Variants in DOCK9 observed in about 807,000 individuals in gnomAD.
The protein encoded by DOCK9 is dedicator of cytokinesis 9.
DOCK9 carries 89 observed loss-of-function variants against 263.3 expected under a neutral mutation model. That is an observed-to-expected ratio of 0.34 (90% CI 0.28 to 0.40). The LOEUF is 0.40. DOCK9 is among the 10% of genes least tolerant of loss of function. DOCK9 has a pLI of 1.00. For synonymous variants in DOCK9, 976 were observed against 973.1 expected (o/e 1.00, Z -0.06); for missense variants, 2,140 against 2,603.4 (o/e 0.82, Z 3.87).
chr13:98,980,215 C>G (rs1229789637), upstream of DOCK9, among the ~76,000 whole-genome samples: 2 of 152,210 alleles, frequency 1.3e-5, no homozygotes, highest in African/African-American at 4.8e-5. Flanking sequence ...TCAAAATACC[C>G]TGGTATTCTG....
intron 1 of DOCK9, among the ~76,000 whole-genome samples, chr13:99,060,727 C>T (rs1311466049): frequency 1.3e-5 from 2 of 152,158 alleles, no homozygotes; most frequent in East Asian, 1.9e-4. Flanking sequence ...GCACCCCACA[C>T]ATCTGCAGTA....
intron 1 of DOCK9, among the ~76,000 whole-genome samples, chr13:99,012,904 A>C (rs762342461): frequency 6.6e-6 from 1 of 152,166 alleles, no homozygotes; most frequent in Non-Finnish European, 1.5e-5. Context: ...AAAATTTAAA[A>C]AAACACACAT....
intron 1 of DOCK9, among the ~76,000 whole-genome samples, chr13:98,960,449 T>C (rs2058509225): frequency 6.6e-6 from 1 of 152,200 alleles, no homozygotes; most frequent in Admixed American, 6.5e-5. Flanking sequence ...TATGTACAAG[T>C]CCTTCAGCTT....
chr13:99,004,207 G>A (rs747618695), intron 1 of DOCK9, among the ~76,000 whole-genome samples: 73 of 152,140 alleles, frequency 4.8e-4, no homozygotes, highest in Non-Finnish European at 9.4e-4. Flanking sequence ...GCAGCCTTAT[G>A]GGCCCTCTGA....
At chr13:99,034,926 A>G (rs1887708656) in intron 1 of DOCK9, among the ~76,000 whole-genome samples, 1 of 152,142 alleles carries the variant, frequency 6.6e-6, no homozygotes, top group East Asian at 1.9e-4. Flanking sequence ...TCCAGCAATC[A>G]ATGTGGAACC....
At chr13:98,947,897 C>T (rs1476529017) in intron 2 of DOCK9, among the ~76,000 whole-genome samples, 1 of 152,172 alleles carries the variant, frequency 6.6e-6, no homozygotes, top group Non-Finnish European at 1.5e-5. Context: ...GAAAGTTACA[C>T]TGTTGGCCAC....
At chr13:99,041,568 G>T (rs994908438) in intron 1 of DOCK9, among the ~76,000 whole-genome samples, 6 of 152,126 alleles carry the variant, frequency 3.9e-5, no homozygotes, top group Non-Finnish European at 5.9e-5. Flanking sequence ...GCTAGTGCAG[G>T]CCACAGGGTT....
chr13:98,919,434 A>C (rs770684678), intron 7 of DOCK9, among the ~76,000 whole-genome samples: 22 of 152,212 alleles, frequency 1.4e-4, no homozygotes, highest in Non-Finnish European at 7.3e-5. Flanking sequence ...CCTTGGAAGA[A>C]AATGCACTTT....
intron 23 of DOCK9, among the ~76,000 whole-genome samples, chr13:98,882,506 C>A (rs190108204): frequency 1.2e-4 from 19 of 152,300 alleles, no homozygotes; most frequent in African/African-American, 4.3e-4. Context: ...TTAGCTATTT[C>A]CCCTTTCCAA....
chr13:98,884,356 T>G (rs550211439), intron 21 of DOCK9, among the ~76,000 whole-genome samples: 66 of 152,376 alleles, frequency 4.3e-4, no homozygotes, highest in Non-Finnish European at 7.8e-4. Context: ...ATTATACAAT[T>G]TATTCTTCTT....
At chr13:99,070,090 A>G (rs947466261) in intron 1 of DOCK9, among the ~76,000 whole-genome samples, 9 of 152,224 alleles carry the variant, frequency 5.9e-5, no homozygotes, top group African/African-American at 1.7e-4. Flanking sequence ...TCCCGCCTCT[A>G]TGAGCATTTA....
intron 1 of DOCK9, among the ~76,000 whole-genome samples, chr13:98,960,529 A>G (rs895394133): frequency 6.6e-6 from 1 of 152,178 alleles, no homozygotes; most frequent in African/African-American, 2.4e-5. Flanking sequence ...TGAAATCAGA[A>G]AGGGAGAGGG....
At chr13:98,902,033 G>T in intron 12 of DOCK9, 133 bp from the exon 13 acceptor site, 1 of 1,165,822 alleles carries the variant, frequency 8.6e-7, no homozygotes, top group Non-Finnish European at 1.2e-6. Context: ...CTAGTTAGCT[G>T]ACAAACAGTT....
At chr13:98,977,228 G>A (rs1368955449) in intron 1 of DOCK9, among the ~76,000 whole-genome samples, 15 of 152,182 alleles carry the variant, frequency 9.9e-5, no homozygotes, top group Admixed American at 9.2e-4. Context: ...GAACAGAAAC[G>A]TTTCTATCAG....
intron 1 of DOCK9, among the ~76,000 whole-genome samples, chr13:99,081,499 G>A (rs924287861): frequency 6.6e-6 from 1 of 152,246 alleles, no homozygotes; most frequent in African/African-American, 2.4e-5. Flanking sequence ...AACATAGTGA[G>A]ATAAGATCAG....
chr13:98,962,019 A>G (rs557036213), intron 1 of DOCK9, among the ~76,000 whole-genome samples: 1 of 152,328 alleles, frequency 6.6e-6, no homozygotes, highest in South Asian at 2.1e-4. Context: ...TTCCAATCCT[A>G]AAAATTCCTG....
At chr13:99,043,075 G>T (rs1227558608) in intron 1 of DOCK9, among the ~76,000 whole-genome samples, 1 of 152,072 alleles carries the variant, frequency 6.6e-6, no homozygotes, top group Non-Finnish European at 1.5e-5. Flanking sequence ...AGTCCCTTCT[G>T]AGTGGTGGCC....
chr13:98,855,683 C>T (rs1045812817), intron 34 of DOCK9, among the ~76,000 whole-genome samples: 5 of 152,176 alleles, frequency 3.3e-5, no homozygotes, highest in African/African-American at 1.2e-4. Flanking sequence ...CCACTGCAAA[C>T]CCTGCCCAGG....
intron 1 of DOCK9, among the ~76,000 whole-genome samples, chr13:98,975,614 T>C (rs1177685756): frequency 6.6e-6 from 1 of 152,190 alleles, no homozygotes; most frequent in Non-Finnish European, 1.5e-5. Context: ...TCTTTCCTAC[T>C]GCTACACTAT....
Sources: allele counts gnomAD v4.1 joint callset (sites outside exome capture counted in the v4.1 genomes callset), GRCh38; gene constraint gnomAD v4.1.1; transcripts MANE v1.5; gene names NCBI Gene and HGNC (gene_info 2026-07-23, HGNC 2026-07-21).